The following CLNK variants were observed in gnomAD, a reference collection of about 807,000 sequenced individuals.
The protein encoded by CLNK is cytokine dependent hematopoietic cell linker.
CLNK carries 74 observed loss-of-function variants against 68.6 expected under a neutral mutation model. The ratio of observed to expected loss-of-function variants is 1.08; its 90% CI spans 0.89 to 1.31. CLNK has a LOEUF of 1.31. Among genes scored for constraint, CLNK ranks in the 50% most tolerant of loss-of-function variants. The pLI is 0.00. For missense variants in CLNK, 553 were observed against 515.3 expected, an observed-to-expected ratio of 1.07 and a Z score of -0.71; for synonymous variants, 198 against 172.2, an observed-to-expected ratio of 1.15 and a Z score of -1.17.
intron 8 of CLNK, among the ~76,000 whole-genome samples, chr4:10,552,987 G>A (rs1345038621): frequency 3.3e-5 from 5 of 152,100 alleles, no homozygotes; most frequent in Non-Finnish European, 5.9e-5. Context: ...GAAAAACTAA[G>A]TAGAAAAGAG....
intron 2 of CLNK, among the ~76,000 whole-genome samples, chr4:10,658,188 G>A (rs1292832127): frequency 6.6e-6 from 1 of 152,214 alleles, no homozygotes; most frequent in Non-Finnish European, 1.5e-5. Flanking sequence ...ACTCAGAACA[G>A]AGGACCTCTT....
intron 2 of CLNK, among the ~76,000 whole-genome samples, chr4:10,658,582 C>T (rs965956540): frequency 6.6e-6 from 1 of 152,140 alleles, no homozygotes; most frequent in Non-Finnish European, 1.5e-5. Flanking sequence ...GTGCCTAGTG[C>T]CCCAGCCTCC....
intron 11 of CLNK, among the ~76,000 whole-genome samples, chr4:10,538,828 T>C (rs376327984): frequency 2.1e-4 from 32 of 152,314 alleles, no homozygotes; most frequent in African/African-American, 7.2e-4. Context: ...TGGGGCAACA[T>C]AGGTACCAAT....
intron 6 of CLNK, among the ~76,000 whole-genome samples, chr4:10,565,603 C>T (rs1355317863): frequency 1.3e-5 from 2 of 152,054 alleles, no homozygotes; most frequent in Non-Finnish European, 2.9e-5. Flanking sequence ...CATTCTACTC[C>T]CCTCTATGCA....
intron 4 of CLNK, among the ~76,000 whole-genome samples, chr4:10,580,062 T>A (rs1720719973): frequency 6.6e-6 from 1 of 152,170 alleles, no homozygotes; most frequent in Non-Finnish European, 1.5e-5. Flanking sequence ...TTCTTGCCTA[T>A]TAAACTCTCT....
intron 2 of CLNK, among the ~76,000 whole-genome samples, chr4:10,637,708 C>T (rs572942851): frequency 1.0e-3 from 150 of 149,602 alleles, no homozygotes; most frequent in Non-Finnish European, 1.7e-3. Context: ...CATTCTCCTG[C>T]CTCAGCCTCC....
At chr4:10,689,597 G>T (rs1020785148), upstream of CLNK, among the ~76,000 whole-genome samples, 5 of 152,056 alleles carry the variant, frequency 3.3e-5, no homozygotes, top group Non-Finnish European at 2.9e-5. Context: ...TGGTATCAAG[G>T]CCTGGAGTAG....
At chr4:10,548,313 TGTCCA>T (rs1719316000) in intron 8 of CLNK, among the ~76,000 whole-genome samples, 1 of 152,188 alleles carries the variant, frequency 6.6e-6, no homozygotes, top group Non-Finnish European at 1.5e-5. Context: ...CCTGGAGAAA[TGTCCA>T]CCCAGATCCT....
chr4:10,540,568 C>A lies in CLNK; in HGVS notation c.528G>T (p.Leu176Phe). ...GCCTGCTGCTCTCCGGCTCAGGGGG[C>A]AAGGGTTGGTACTTCTTCGGAAGTG... ...LITLPKKYQPLPPEPESSRPP... is the reference protein window; with the variant it reads ...LITLPKKYQPFPPEPESSRPP... The change falls in exon 11 of 19, where the codon TTG (leucine) becomes TTT (phenylalanine). Residue 176 changes from leucine (L) to phenylalanine (F), a missense_variant. Coordinates refer to ENST00000226951, the MANE Select transcript of CLNK (RefSeq NM_052964.4). 1 of 1,613,790 alleles carries A rather than the reference C, an allele frequency of 6.2e-7. No homozygotes were observed. Among genetic ancestry groups the A allele is most frequent in the Non-Finnish European group, 8.5e-7 (1 of 1,179,824 alleles).
At chr4:10,548,024 T>C (rs1719304636) in intron 8 of CLNK, among the ~76,000 whole-genome samples, 1 of 152,148 alleles carries the variant, frequency 6.6e-6, no homozygotes, top group African/African-American at 2.4e-5. Flanking sequence ...TCGTGAACCA[T>C]AAGGTATGTC....
chr4:10,501,428 A>G lies in CLNK; in HGVS notation c.985-17T>C. 1 of 1,603,660 alleles carries G rather than the reference A, an allele frequency of 6.2e-7. No homozygotes were observed. On this transcript the variant is annotated splice_polypyrimidine_tract_variant and intron_variant, in intron 17 of 18. Transcript: ENST00000226951. The stretch of plus-strand genomic sequence containing the variant: ...ACTACCATCCTGAAGCAAAAAGAGT[A>G]ACAGTCATCTTTTCAGACACGCCAG...
At chr4:10,664,416 C>A (rs1383473423) in intron 2 of CLNK, among the ~76,000 whole-genome samples, 1 of 152,148 alleles carries the variant, frequency 6.6e-6, no homozygotes, top group Non-Finnish European at 1.5e-5. Context: ...CAAGGCACAG[C>A]AAAAGGAAAA....
intron 3 of CLNK, among the ~76,000 whole-genome samples, chr4:10,595,803 G>T (rs1189716190): frequency 6.6e-6 from 1 of 152,170 alleles, no homozygotes; most frequent in East Asian, 1.9e-4. Flanking sequence ...CCTGTAGAAA[G>T]GAGACTAATA....
chr4:10,647,656 A>G (rs1420911338), intron 2 of CLNK, among the ~76,000 whole-genome samples: 1 of 152,176 alleles, frequency 6.6e-6, no homozygotes, highest in Non-Finnish European at 1.5e-5. Context: ...AGTACTCTAT[A>G]TTAAGTAACC....
intron 7 of CLNK, among the ~76,000 whole-genome samples, chr4:10,559,638 G>C (rs1719812738): frequency 6.6e-6 from 1 of 152,076 alleles, no homozygotes; most frequent in South Asian, 2.1e-4. Context: ...GGTGGGATTT[G>C]CAATCTCAGG....
chr4:10,568,585 G>A (rs1231705306), intron 5 of CLNK, among the ~76,000 whole-genome samples: 1 of 152,232 alleles, frequency 6.6e-6, no homozygotes, highest in African/African-American at 2.4e-5. Flanking sequence ...GAAAGAAAGA[G>A]AGATCTGGCA....
At chr4:10,568,581 A>C (rs1720215447) in intron 5 of CLNK, among the ~76,000 whole-genome samples, 1 of 152,254 alleles carries the variant, frequency 6.6e-6, no homozygotes, top group African/African-American at 2.4e-5. Context: ...ACAAGAAAGA[A>C]AGAGAGATCT....
chr4:10,726,333 A>G, the CLNK span, among the ~76,000 whole-genome samples: 2 of 152,086 alleles, frequency 1.3e-5, no homozygotes, highest in African/African-American at 4.8e-5. Context: ...GTTGGCCAGG[A>G]TGGTCTCGAT....
chr4:10,670,359 A>T (rs1190134136), intron 1 of CLNK, among the ~76,000 whole-genome samples: 1 of 152,244 alleles, frequency 6.6e-6, no homozygotes, highest in Non-Finnish European at 1.5e-5. Context: ...CCACTTAATG[A>T]TAGCTGCTTA....
Sources: gnomAD v4.1 joint callset for allele counts (sites outside exome capture counted in the v4.1 genomes callset) on GRCh38, gnomAD v4.1.1 for gene constraint, MANE v1.5 for transcripts, NCBI Gene and HGNC (gene_info 2026-07-23, HGNC 2026-07-21) for gene names.